SLC8A3: variants seen among roughly 807,000 people sequenced by gnomAD.
SLC8A3 encodes the protein solute carrier family 8 member A3, also known as sodium/calcium exchanger 3.
SLC8A3 carries 37 observed loss-of-function variants against 65.4 expected under a neutral mutation model. That is an observed-to-expected ratio of 0.57 (90% confidence interval 0.44 to 0.74). The LOEUF is 0.74. Ranked by LOEUF, SLC8A3 falls within the 30% of genes least tolerant of loss-of-function variation. SLC8A3 has a pLI of 0.00. For synonymous variants in SLC8A3, 461 were observed against 444.5 expected, an observed-to-expected ratio of 1.04 and a Z score of -0.47; for missense variants, 1,112 against 1,172.1, an observed-to-expected ratio of 0.95 and a Z score of 0.75.
chr14:70,112,815 G>T (rs568922815), intron 2 of SLC8A3, among the ~76,000 whole-genome samples: 115 of 152,194 alleles, frequency 7.6e-4, no homozygotes, highest in South Asian at 6.8e-3. Flanking sequence ...GGCAATCCTT[G>T]GTGTTCCCTG....
intron 2 of SLC8A3, among the ~76,000 whole-genome samples, chr14:70,156,940 G>A (rs999250006): frequency 6.6e-6 from 1 of 152,192 alleles, no homozygotes; most frequent in East Asian, 1.9e-4. Context: ...ATCTTCTGAC[G>A]CTAGTGTCCT....
chr14:70,158,198 A>G (rs930325279), intron 2 of SLC8A3, among the ~76,000 whole-genome samples: 2 of 152,240 alleles, frequency 1.3e-5, no homozygotes, highest in Non-Finnish European at 2.9e-5. Context: ...AAAATAGTGT[A>G]CAAACATGAA....
Position 70,167,694 on chromosome 14 carries a change from C to T in SLC8A3, c.729G>A (p.Val243=), listed in dbSNP as rs1163412192. ...EGLLTLFFFP[V]CVLLAWVADK... ...CTGCCACCCAGGCCAGAAGGACACACACTGGAAAGAAGAAGAGAGTGAGGA... is the reference window on the plus strand; with the variant it reads ...CTGCCACCCAGGCCAGAAGGACACATACTGGAAAGAAGAAGAGAGTGAGGA... Residue 243 remains valine (V), a synonymous_variant, in exon 2 of 7, where the codon GTG becomes GTA. Coordinates refer to ENST00000356921, the MANE Select transcript of SLC8A3 (RefSeq NM_182932.3). 1.9e-6 allele frequency: 3 copies of T among 1,614,158 alleles called. No homozygotes were observed. The highest frequency in any genetic ancestry group is 3.3e-5 in the Admixed American group (2 of 60,020).
At chr14:70,081,851 G>T (rs1222274867) in intron 2 of SLC8A3, among the ~76,000 whole-genome samples, 1 of 152,344 alleles carries the variant, frequency 6.6e-6, no homozygotes, top group East Asian at 1.9e-4. Context: ...TGAAAGAACA[G>T]TATGAAAAAT....
intron 2 of SLC8A3, 120 bp downstream of exon 2, chr14:70,166,519 G>A (rs1897167583): frequency 4.6e-6 from 3 of 656,710 alleles, no homozygotes; most frequent in Non-Finnish European, 8.1e-6. Flanking sequence ...ACCTGTGATG[G>A]AACCAAAGTT....
intron 2 of SLC8A3, among the ~76,000 whole-genome samples, chr14:70,154,173 A>G (rs1566815872): frequency 6.6e-6 from 1 of 152,258 alleles, no homozygotes; most frequent in African/African-American, 2.4e-5. Context: ...AACTTCCTAC[A>G]TATGAGGAAA....
intron 2 of SLC8A3, among the ~76,000 whole-genome samples, chr14:70,101,813 A>G (rs1357240851): frequency 6.6e-6 from 1 of 152,348 alleles, no homozygotes; most frequent in South Asian, 2.1e-4. Context: ...ACAATTGTCC[A>G]GCCTTTTCTC....
In SLC8A3 at chr14:70,167,801, C is replaced by A; in HGVS notation, c.622G>T (p.Ala208Ser). ...KHLRVFFITA[A>S]WSIFAYIWLY... ...CAGATGTAGGCAAAGATACTCCAAGCAGCGGTGATGAAGAAGACTCGTAGA... is the reference window on the plus strand; with the variant it reads ...CAGATGTAGGCAAAGATACTCCAAGAAGCGGTGATGAAGAAGACTCGTAGA... The change falls in exon 2 of 7, where the codon GCT (alanine) becomes TCT (serine). Residue 208 changes from alanine to serine, a missense_variant. Coordinates refer to ENST00000356921, the MANE Select transcript of SLC8A3 (RefSeq NM_182932.3). The A allele has an allele frequency of 6.2e-7, 1 of 1,614,154 alleles. No individual in the cohort carries two copies. The highest frequency in any genetic ancestry group is 8.5e-7 in the Non-Finnish European group (1 of 1,180,034).
chr14:70,156,957 G>A (rs1212755559), intron 2 of SLC8A3, among the ~76,000 whole-genome samples: 10 of 152,200 alleles, frequency 6.6e-5, no homozygotes, highest in Non-Finnish European at 1.2e-4. Context: ...TCCTGGAGAG[G>A]ATAGATCAGA....
At chr14:70,127,665 A>G (rs763880958) in intron 2 of SLC8A3, among the ~76,000 whole-genome samples, 10 of 152,130 alleles carry the variant, frequency 6.6e-5, no homozygotes, top group Non-Finnish European at 1.3e-4. Flanking sequence ...CTCCAAACAC[A>G]ATTAACAGGA....
chr14:70,180,333 C>G (rs1414900530), intron 1 of SLC8A3, among the ~76,000 whole-genome samples: 1 of 152,108 alleles, frequency 6.6e-6, no homozygotes, highest in East Asian at 1.9e-4. Flanking sequence ...CAAATAAAAC[C>G]TGGCGAGCAG....
At chr14:70,121,879 C>T (rs898580828) in intron 2 of SLC8A3, among the ~76,000 whole-genome samples, 1 of 151,936 alleles carries the variant, frequency 6.6e-6, no homozygotes, top group African/African-American at 2.4e-5. Flanking sequence ...TCCTTTGATT[C>T]CTGCAGGGGC....
At chr14:70,096,652 G>A (rs1892198588) in intron 2 of SLC8A3, among the ~76,000 whole-genome samples, 2 of 151,970 alleles carry the variant, frequency 1.3e-5, no homozygotes, top group Admixed American at 6.6e-5. Context: ...ATCAAATGGG[G>A]GTATTTACAG....
rs1886593570 is a variant in SLC8A3 at position 70,044,986 on chromosome 14, G to A, written c.*961C>T. On this transcript the variant is annotated 3_prime_UTR_variant, in exon 7 of 7. Coordinates refer to ENST00000356921, the MANE Select transcript of SLC8A3 (RefSeq NM_182932.3). ...GGCCTGTATCCCTTTTGTTCTTCCAGTAGCCCTTTGTCGTCACACACCATT... is the reference window on the plus strand; with the variant it reads ...GGCCTGTATCCCTTTTGTTCTTCCAATAGCCCTTTGTCGTCACACACCATT... 1 of 152,186 alleles carries A rather than the reference G, an allele frequency of 6.6e-6. No homozygotes were observed. The highest frequency in any genetic ancestry group is 1.5e-5 in the Non-Finnish European group (1 of 68,046). 9.4% of individuals were successfully genotyped at this position (152,186 alleles called of 1,614,324 possible). A position where few individuals can be genotyped will look rare whatever the true frequency, so the allele number is the denominator to read the frequency against.
intron 3 of SLC8A3, chr14:70,055,767 A>G (rs1000521): frequency 0.13 from 199,277 of 1,593,104 alleles, 13,750 homozygotes; most frequent in African/African-American, 0.21. Context: ...AGAAGTGGAA[A>G]GAAAAGAGGG....
At position 70,055,080 on chromosome 14, in the gene SLC8A3, A is replaced by G. The variant is rs140483404; in HGVS notation, c.1889-2966T>C. On this transcript the variant is annotated intron_variant, in intron 3 of 6. Transcript: ENST00000356921. ...ATGATTGGTTTCCACTCATGCAAGC[A>G]TACTCTCAAAGTAGGTGTACGTCCT... Among the ~76,000 whole-genome samples the G allele has an allele frequency of 7.5e-3, 1,148 of 152,268 alleles. 9 individuals carry two copies. The highest frequency in any genetic ancestry group is 0.024 in the Middle Eastern group (7 of 294).
intron 2 of SLC8A3, among the ~76,000 whole-genome samples, chr14:70,086,572 T>C (rs1891462131): frequency 6.6e-6 from 1 of 152,052 alleles, no homozygotes; most frequent in Non-Finnish European, 1.5e-5. Flanking sequence ...CGGCTATTTT[T>C]TAATACTTTT....
intron 2 of SLC8A3, among the ~76,000 whole-genome samples, chr14:70,142,264 T>C (rs2140274343): frequency 6.6e-6 from 1 of 152,346 alleles, no homozygotes. Context: ...GATGCTGTTC[T>C]TGCAGAGCTC....
intron 3 of SLC8A3, among the ~76,000 whole-genome samples, chr14:70,054,362 A>G (rs1309489924): frequency 6.6e-6 from 1 of 152,222 alleles, no homozygotes; most frequent in Non-Finnish European, 1.5e-5. Flanking sequence ...AAGGCTAATC[A>G]GCGCTCCTAA....
Sources: allele counts gnomAD v4.1 joint callset (sites outside exome capture counted in the v4.1 genomes callset), GRCh38; gene constraint gnomAD v4.1.1; transcripts MANE v1.5; gene names NCBI Gene and HGNC (gene_info 2026-07-23, HGNC 2026-07-21).